MTMR14: variants seen among roughly 807,000 people sequenced by gnomAD.
MTMR14 encodes the protein phosphatidylinositol-3,5-bisphosphate 3-phosphatase MTMR14.
Under a neutral mutation model 86.3 loss-of-function variants are expected in MTMR14, and 48 were observed. That is an observed-to-expected ratio of 0.56 (90% CI 0.44 to 0.71). The LOEUF is 0.71. MTMR14 is among the 30% of genes least tolerant of loss of function. The pLI, the probability that MTMR14 is intolerant of heterozygous loss-of-function variation, is 0.00. For synonymous variants in MTMR14, 366 were observed against 326.1 expected (o/e 1.12, Z -1.32); for missense variants, 780 against 834.6 (o/e 0.93, Z 0.81).
At chr3:9,665,970 G>A (rs1248712130) in intron 3 of MTMR14, among the ~76,000 whole-genome samples, 10 of 151,296 alleles carry the variant, frequency 6.6e-5, no homozygotes, top group Non-Finnish European at 1.3e-4. Context: ...CTCGTGATCC[G>A]CCCGTCTCGG....
At position 9,702,312 on chromosome 3, in the gene MTMR14, G is replaced by A. The variant is rs1675628826; in HGVS notation, c.*339G>A. 8 of 411,762 alleles carry A rather than the reference G, an allele frequency of 1.9e-5. No homozygotes were observed. Among genetic ancestry groups the A allele is most frequent in the South Asian group, 1.8e-4 (8 of 44,190 alleles). 25.5% of individuals were successfully genotyped at this position (411,762 alleles called of 1,614,324 possible). ...ACCCTACCTGTCAGTTCTTGTTTCT[G>A]GGGAGGAGGGATCACCTGCACTGAG... On this transcript the variant is annotated 3_prime_UTR_variant, in exon 19 of 19. Transcript: ENST00000296003.
rs570087628 is a variant in MTMR14, at chr3:9,690,214, G to A, written c.1613+71G>A. On this transcript the variant is annotated intron_variant, in intron 17 of 18. Transcript: ENST00000296003. ...CCCTTAATAAGACTGGAGGGTCGGG[G>A]GCCAGCACCTGAGCTAGGGTCTCAA... is the stretch of plus-strand genomic sequence containing the variant. The A allele has an allele frequency of 1.0e-4, 161 of 1,540,066 alleles. 1 individual carries two copies. In the South Asian group the frequency reaches 1.2e-3, roughly 11 times the overall value.
Position 9,649,543 on chromosome 3 carries a change from G to T in MTMR14, c.-41G>T. Reference sequence around the variant, plus strand: ...GGAGTTGGGTGCAGGCAGGTGCCATGGGCCCGCTTGAGGCACACTGAGGGG... The same window carrying T: ...GGAGTTGGGTGCAGGCAGGTGCCATTGGCCCGCTTGAGGCACACTGAGGGG... On this transcript the variant is annotated 5_prime_UTR_variant, in exon 1 of 19. It removes an upstream start codon present in the reference 5' UTR. Coordinates refer to ENST00000296003, the MANE Select transcript of MTMR14 (RefSeq NM_001077525.3). The T allele has an allele frequency of 6.6e-7, 1 of 1,518,384 alleles. No homozygotes were observed. The highest frequency in any genetic ancestry group is 8.8e-7 in the Non-Finnish European group (1 of 1,135,018). 94.1% of individuals were successfully genotyped at this position (1,518,384 alleles called of 1,614,324 possible).
Position 9,677,379 on chromosome 3 carries a change from T to C in MTMR14, c.814T>C (p.Trp272Arg). 6.2e-7 allele frequency: 1 copy of C among 1,613,916 alleles called. No individual in the cohort carries two copies. The highest frequency in any genetic ancestry group is 8.5e-7 in the Non-Finnish European group (1 of 1,179,810). Residue 272 changes from tryptophan (W) to arginine (R), a missense_variant, in exon 8 of 19, where the codon TGG becomes CGG. Coordinates refer to ENST00000296003, the MANE Select transcript of MTMR14 (RefSeq NM_001077525.3). This position sits in a 1 kb window ranked among gnomAD's most constrained non-coding sequence, Gnocchi z 4.2. ...CATGGCAGAAGGGCTCATATTTAAC[T>C]GGAAGCAGGTATGAGCAATAACATA... ...DYMAEGLIFN[W>R]KQDYVDAPLS...
chr3:9,665,013 A>G (rs1203808421), intron 3 of MTMR14, among the ~76,000 whole-genome samples: 4 of 152,130 alleles, frequency 2.6e-5, no homozygotes, highest in Admixed American at 2.6e-4. Context: ...GCCGGGCACG[A>G]TGGCTCATGC....
Position 9,701,768 on chromosome 3 carries a change from CTT to C in MTMR14, c.1770-20_1770-19del, listed in dbSNP as rs772266416. 2.3e-4 allele frequency: 378 copies of C among 1,612,954 alleles called. 2 individuals carry two copies. The highest frequency in any genetic ancestry group is 6.6e-4 in the Middle Eastern group (4 of 6,062). ...CCTGTCCCAGGGTAATGTCTTTGTT[CTT>C]TCTCTTGACCTCCCCATAGGCTTGC... On this transcript the variant is annotated intron_variant, in intron 18 of 18. Transcript: ENST00000296003. This position sits in a 1 kb window ranked among gnomAD's most constrained non-coding sequence, Gnocchi z 4.2.
rs1357687893 is a variant in MTMR14 at position 9,668,655 on chromosome 3, T to C, written c.418-64T>C. 7 of 1,560,178 alleles carry C rather than the reference T, an allele frequency of 4.5e-6. No homozygotes were observed. In the Admixed American group the frequency reaches 5.0e-5, roughly 11 times the overall value. On this transcript the variant is annotated intron_variant, in intron 3 of 18. Transcript: ENST00000296003. ...CTGGAAGAGTCAGAGGAGTCCCACA[T>C]GTTCCTTCAACTGTGCATGCTTCAG...
chr3:9,701,653 G>A lies in MTMR14; in HGVS notation c.1770-137G>A. On this transcript the variant is annotated intron_variant, in intron 18 of 18. Coordinates refer to ENST00000296003, the MANE Select transcript of MTMR14 (RefSeq NM_001077525.3). The surrounding 1 kb of genome is among the most constrained non-coding windows in gnomAD (Gnocchi z 4.2). Reference sequence around the variant, plus strand: ...ATTTGGGGCCTGAACCACAAGGATAGCATGGCCGTAGGACAGACACTGGCC... The same window carrying A: ...ATTTGGGGCCTGAACCACAAGGATAACATGGCCGTAGGACAGACACTGGCC... 9.8e-7 allele frequency: 1 copy of A among 1,021,108 alleles called. No individual in the cohort carries two copies. Among genetic ancestry groups the A allele is most frequent in the Non-Finnish European group, 1.5e-6 (1 of 670,996 alleles). The allele number at this position is 1,021,108 out of a possible 1,614,324, so 63.3% of individuals were successfully genotyped here.
intron 17 of MTMR14, among the ~76,000 whole-genome samples, chr3:9,695,999 G>A (rs755145425): frequency 2.6e-5 from 4 of 152,158 alleles, no homozygotes; most frequent in South Asian, 2.1e-4. Context: ...AGGGGCTTCC[G>A]TCAGGTGACA....
rs560784194 is a variant in MTMR14 at position 9,680,120 on chromosome 3, A to C, written c.897+2062A>C. On this transcript the variant is annotated intron_variant, in intron 9 of 18. Transcript: ENST00000296003. ...CATCACCTTTCACACATGTCCCTTCAGGCGGCCCCTCAGACTCAAGCTGTC... is the reference window on the plus strand; with the variant it reads ...CATCACCTTTCACACATGTCCCTTCCGGCGGCCCCTCAGACTCAAGCTGTC... Among the ~76,000 whole-genome samples the C allele has an allele frequency of 7.9e-5, 12 of 152,276 alleles. No individual in the cohort carries two copies. In the South Asian group the frequency reaches 2.3e-3, roughly 29 times the overall value.
chr3:9,697,093 G>A (rs534608297), intron 17 of MTMR14, among the ~76,000 whole-genome samples: 2 of 152,238 alleles, frequency 1.3e-5, no homozygotes, highest in African/African-American at 4.8e-5. Context: ...CTTCCCTCTG[G>A]GCATAGCCAC....
chr3:9,685,702 T>A (rs1209892317), intron 13 of MTMR14, among the ~76,000 whole-genome samples: 1 of 149,972 alleles, frequency 6.7e-6, no homozygotes, highest in African/African-American at 2.4e-5. Flanking sequence ...CCCTGATGGT[T>A]GCCTCCAGGT....
rs1213792485 is a variant in MTMR14 at position 9,677,559 on chromosome 3, G to A, written c.822+172G>A. Among the ~76,000 whole-genome samples the A allele has an allele frequency of 6.6e-6, 1 of 151,822 alleles. No homozygotes were observed. On this transcript the variant is annotated intron_variant, in intron 8 of 18. Coordinates refer to ENST00000296003, the MANE Select transcript of MTMR14 (RefSeq NM_001077525.3). This position sits in a 1 kb window ranked among gnomAD's most constrained non-coding sequence, Gnocchi z 4.2. ...CTCCCTCTTCTCCTTGTATATACTT[G>A]TTAAATTTTCATCATTATACTTTCC... is the stretch of plus-strand genomic sequence containing the variant.
At chr3:9,693,434 C>T (rs746321746) in intron 17 of MTMR14, among the ~76,000 whole-genome samples, 4 of 152,218 alleles carry the variant, frequency 2.6e-5, no homozygotes, top group Non-Finnish European at 5.9e-5. Context: ...AACTCTGACT[C>T]CCCAAAAGCT....
intron 5 of MTMR14, 45 bp downstream of exon 5, chr3:9,669,537 G>C (rs779966631): frequency 6.3e-7 from 1 of 1,593,078 alleles, no homozygotes; most frequent in African/African-American, 1.3e-5. Context: ...TTGGGGATGG[G>C]GTGTCTGGCC....
chr3:9,654,586 C>G (rs2047486672), intron 2 of MTMR14, among the ~76,000 whole-genome samples: 1 of 152,202 alleles, frequency 6.6e-6, no homozygotes, highest in African/African-American at 2.4e-5. Context: ...TCAAAGTTTG[C>G]TCTCCTAATC....
In MTMR14 at chr3:9,662,077, A is replaced by C. The variant is rs112241584; in HGVS notation, c.309-190A>C. On this transcript the variant is annotated intron_variant, in intron 2 of 18. Coordinates refer to ENST00000296003, the MANE Select transcript of MTMR14 (RefSeq NM_001077525.3). ...CACTCTAGCCTGGGCAACAACAGTGAAACTCCGTCTCAAAAAAATAGATAG... is the reference window on the plus strand; with the variant it reads ...CACTCTAGCCTGGGCAACAACAGTGCAACTCCGTCTCAAAAAAATAGATAG... 5.3e-3 allele frequency among the ~76,000 whole-genome samples: 806 copies of C among 151,820 alleles called. 3 individuals carry two copies. Among genetic ancestry groups the C allele is most frequent in the African/African-American group, 0.018 (759 of 41,334 alleles).
At chr3:9,693,449 A>C (rs2076194916) in intron 17 of MTMR14, among the ~76,000 whole-genome samples, 2 of 152,266 alleles carry the variant, frequency 1.3e-5, no homozygotes, top group Non-Finnish European at 2.9e-5. Context: ...AAAGCTACAG[A>C]TAGCCTGCTG....
At chr3:9,684,538 C>T (rs752053556) in intron 10 of MTMR14, 47 bp from the exon 11 acceptor site, 1 of 1,588,270 alleles carries the variant, frequency 6.3e-7, no homozygotes, top group Non-Finnish European at 8.6e-7. Context: ...CTCATCGGCC[C>T]ATGTCTGGTT....
Sources: allele counts gnomAD v4.1 joint callset (sites outside exome capture counted in the v4.1 genomes callset), GRCh38; gene constraint gnomAD v4.1.1; non-coding constraint Gnocchi (gnomAD v3.1); transcripts MANE v1.5; gene names NCBI Gene and HGNC (gene_info 2026-07-23, HGNC 2026-07-21).